Variants in SLC36A1 observed in about 807,000 individuals in gnomAD.
The protein encoded by SLC36A1 is solute carrier family 36 member 1, also known as proton-coupled amino acid transporter 1.
SLC36A1 carries 30 observed loss-of-function variants against 47.5 expected under a neutral mutation model. The ratio of observed to expected loss-of-function variants is 0.63; its 90% CI spans 0.47 to 0.86. The LOEUF is 0.86. Among genes scored for constraint, SLC36A1 ranks in the 40% least tolerant of loss-of-function variants. SLC36A1 has a pLI of 0.00. For missense variants in SLC36A1, 517 were observed against 606.0 expected (o/e 0.85, Z 1.54); for synonymous variants, 255 against 249.7 (o/e 1.02, Z -0.20).
At chr5:151,381,135 A>G in the SLC36A1 span, 40 of 488,652 alleles carry the variant, frequency 8.2e-5, no homozygotes, top group Non-Finnish European at 1.6e-4. Flanking sequence ...CTGGCAGGCA[A>G]GGATGAGCTG....
At chr5:151,441,131 A>G (rs988160574) in intron 1 of SLC36A1, among the ~76,000 whole-genome samples, 1 of 152,286 alleles carries the variant, frequency 6.6e-6, no homozygotes, top group Non-Finnish European at 1.5e-5. Flanking sequence ...CACTGGCACA[A>G]TGGTTAAAAC....
At chr5:151,543,967 T>C in the SLC36A1 span, 39 of 1,613,994 alleles carry the variant, frequency 2.4e-5, no homozygotes, top group Admixed American at 2.0e-4. Context: ...TTCACTGACA[T>C]TGGCTTCATA....
At chr5:151,469,384 G>C in intron 7 of SLC36A1, 1 of 602,890 alleles carries the variant, frequency 1.7e-6, no homozygotes, top group Admixed American at 2.3e-5. Context: ...AAATGCCTTA[G>C]TGAGCCTTCC....
the SLC36A1 span, among the ~76,000 whole-genome samples, chr5:151,392,577 G>A: frequency 6.6e-6 from 1 of 152,192 alleles, no homozygotes; most frequent in Non-Finnish European, 1.5e-5. Context: ...CCTTAAATGT[G>A]TCCCAGAGAT....
chr5:151,537,001 C>T, the SLC36A1 span, among the ~76,000 whole-genome samples: 1 of 152,208 alleles, frequency 6.6e-6, no homozygotes, highest in African/African-American at 2.4e-5. Context: ...CCCTTTCCCC[C>T]ACTCTCTTAC....
chr5:151,510,334 CTGAA>C, the SLC36A1 span: 2 of 764,352 alleles, frequency 2.6e-6, no homozygotes, highest in Non-Finnish European at 4.1e-6. Flanking sequence ...TGGTGCCCTG[CTGAA>C]CCAAGAGCAC....
intron 2 of SLC36A1, among the ~76,000 whole-genome samples, chr5:151,461,443 G>A (rs551514678): frequency 6.6e-6 from 1 of 151,976 alleles, no homozygotes; most frequent in Non-Finnish European, 1.5e-5. Flanking sequence ...TCAAGCCTCC[G>A]TGCTTCTTCC....
the SLC36A1 span, among the ~76,000 whole-genome samples, chr5:151,365,477 A>G: frequency 2.0e-5 from 3 of 152,334 alleles, no homozygotes; most frequent in Non-Finnish European, 2.9e-5. Context: ...ACCAATCAGC[A>G]GGGAAACCAA....
At chr5:151,365,160 G>T in the SLC36A1 span, among the ~76,000 whole-genome samples, 1 of 152,176 alleles carries the variant, frequency 6.6e-6, no homozygotes, top group Admixed American at 6.5e-5. Flanking sequence ...GTTTCCAGAA[G>T]AAAGAGAAAG....
At chr5:151,467,660 CTGT>C in intron 6 of SLC36A1, 44 bp from the exon 7 acceptor site, 2 of 1,510,468 alleles carry the variant, frequency 1.3e-6, no homozygotes, top group Non-Finnish European at 1.8e-6. Context: ...CCACCGGCCT[CTGT>C]TGTTTGAGAG....
At chr5:151,468,403 T>C (rs1756888894) in intron 7 of SLC36A1, among the ~76,000 whole-genome samples, 1 of 145,072 alleles carries the variant, frequency 6.9e-6, no homozygotes, top group Non-Finnish European at 1.5e-5. Context: ...GCATAATATA[T>C]ATTATATAAT....
chr5:151,409,369 G>A, the SLC36A1 span, among the ~76,000 whole-genome samples: 6 of 152,124 alleles, frequency 3.9e-5, no homozygotes, highest in Non-Finnish European at 8.8e-5. Flanking sequence ...AAGACTATCT[G>A]AGGAGTTTGC....
the SLC36A1 span, among the ~76,000 whole-genome samples, chr5:151,358,551 T>G: frequency 1.3e-5 from 2 of 152,226 alleles, no homozygotes; most frequent in Admixed American, 1.3e-4. Context: ...AATTTAACAC[T>G]TCTCATCTGG....
At chr5:151,462,048 A>C (rs1002792195) in intron 2 of SLC36A1, among the ~76,000 whole-genome samples, 1 of 152,134 alleles carries the variant, frequency 6.6e-6, no homozygotes, top group East Asian at 1.9e-4. Context: ...TTTCTTGAAA[A>C]TGAAAGAAAT....
At chr5:151,505,452 A>G in the SLC36A1 span, 1 of 1,289,606 alleles carries the variant, frequency 7.8e-7, no homozygotes, top group Admixed American at 2.4e-5. Context: ...GCCTGGGCTG[A>G]GGGCTTCCCT....
the SLC36A1 span, chr5:151,512,091 C>T: frequency 7.0e-7 from 1 of 1,435,396 alleles, no homozygotes; most frequent in African/African-American, 1.4e-5. The surrounding 1 kb of genome is among the most constrained non-coding windows in gnomAD (Gnocchi z 4.1). Flanking sequence ...GAGATCTCCA[C>T]CCTGACATGC....
At chr5:151,399,084 ATTT>A in the SLC36A1 span, among the ~76,000 whole-genome samples, 828 of 59,942 alleles carry the variant, frequency 0.014, 9 homozygotes, top group Middle Eastern at 0.061. Flanking sequence ...ATATATATAT[ATTT>A]TTTTTTTTTT....
chr5:151,502,904 G>A, the SLC36A1 span, among the ~76,000 whole-genome samples: 19 of 148,152 alleles, frequency 1.3e-4, 2 homozygotes, highest in African/African-American at 3.5e-4. Flanking sequence ...AGTATTATTC[G>A]GCACTACAAA....
chr5:151,509,847 C>G, the SLC36A1 span: 1 of 673,964 alleles, frequency 1.5e-6, no homozygotes, highest in Non-Finnish European at 2.6e-6. Flanking sequence ...TTCCATGAAA[C>G]CGGTCCCTGG....
Sources: allele counts gnomAD v4.1 joint callset (sites outside exome capture counted in the v4.1 genomes callset), GRCh38; gene constraint gnomAD v4.1.1; non-coding constraint Gnocchi (gnomAD v3.1); transcripts MANE v1.5; gene names NCBI Gene and HGNC (gene_info 2026-07-23, HGNC 2026-07-21).